Variants in RASSF2 observed in about 807,000 individuals in gnomAD.
RASSF2 encodes ras association domain-containing protein 2.
RASSF2 carries 34 observed loss-of-function variants against 46.3 expected under a neutral mutation model. The ratio of observed to expected loss-of-function variants is 0.73; its 90% CI spans 0.56 to 0.98. RASSF2 has a LOEUF of 0.98. Among genes scored for constraint, RASSF2 ranks in the 50% least tolerant of loss-of-function variants. The pLI, the probability that RASSF2 is intolerant of heterozygous loss-of-function variation, is 0.00. For synonymous variants in RASSF2, 158 were observed against 162.5 expected, an observed-to-expected ratio of 0.97 and a Z score of 0.21; for missense variants, 364 against 431.2, an observed-to-expected ratio of 0.84 and a Z score of 1.38.
chr20:4,796,640 G>A (rs942670238), intron 4 of RASSF2, among the ~76,000 whole-genome samples: 18 of 152,190 alleles, frequency 1.2e-4, no homozygotes, highest in African/African-American at 1.4e-4. Flanking sequence ...TATACTCAAA[G>A]GTTGCTGACT....
chr20:4,791,363 T>A (rs1925863006), intron 6 of RASSF2, among the ~76,000 whole-genome samples: 2 of 152,112 alleles, frequency 1.3e-5, no homozygotes, highest in African/African-American at 4.8e-5. Flanking sequence ...ACATTATGAG[T>A]GCTTTTAATA....
At position 4,812,104 on chromosome 20, in the gene RASSF2, C is replaced by T. The variant is rs910521860; in HGVS notation, c.-33+10225G>A. On this transcript the variant is annotated intron_variant, in intron 2 of 11. Transcript: ENST00000379400. The surrounding 1 kb of genome is among the most constrained non-coding windows in gnomAD (Gnocchi z 4.0). Reference sequence around the variant, plus strand: ...CACACGAGGAAGGAGACTTGAGCTGCGGGCTGGGGCCCTGCCAAGACCTAG... The same window carrying T: ...CACACGAGGAAGGAGACTTGAGCTGTGGGCTGGGGCCCTGCCAAGACCTAG... Among the ~76,000 whole-genome samples the T allele has an allele frequency of 6.6e-5, 10 of 152,162 alleles. No individual in the cohort carries two copies. The highest frequency in any genetic ancestry group is 2.1e-4 in the South Asian group (1 of 4,832).
chr20:4,807,255 C>A (rs1927411524), intron 2 of RASSF2, among the ~76,000 whole-genome samples: 1 of 144,776 alleles, frequency 6.9e-6, no homozygotes, highest in Admixed American at 6.9e-5. Context: ...ATAACTGAAC[C>A]AAAAATTTAA....
intron 2 of RASSF2, among the ~76,000 whole-genome samples, chr20:4,816,702 C>T (rs1245420681): frequency 6.6e-6 from 1 of 152,190 alleles, no homozygotes; most frequent in Non-Finnish European, 1.5e-5. Context: ...CGCAAACCTC[C>T]ACCACCCAGA....
chr20:4,821,254 C>T (rs924337643), intron 2 of RASSF2, among the ~76,000 whole-genome samples: 3 of 152,064 alleles, frequency 2.0e-5, no homozygotes, highest in Non-Finnish European at 2.9e-5. Flanking sequence ...CACAAACTGG[C>T]GAGAAGACCT....
At chr20:4,811,171 A>AC (rs1202880722) in intron 2 of RASSF2, among the ~76,000 whole-genome samples, 1 of 84,882 alleles carries the variant, frequency 1.2e-5, no homozygotes, top group African/African-American at 3.9e-5. Context: ...ACATTGTGAG[A>AC]CCCCATCTCT....
rs1284121957 is a variant in RASSF2 at position 4,782,807 on chromosome 20, C to T, written c.*1466G>A. 2.0e-5 allele frequency: 3 copies of T among 152,346 alleles called. No individual in the cohort carries two copies. The highest frequency in any genetic ancestry group is 4.1e-4 in the South Asian group (2 of 4,820). The allele number at this position is 152,346 out of a possible 1,614,324, so 9.4% of individuals were successfully genotyped here. ...GAGAAGAGATGGGCAGTGCCTCTAC[C>T]CCAGCTAGGCTCAAAGACGCCTGCT... On this transcript the variant is annotated 3_prime_UTR_variant, in exon 12 of 12. Transcript: ENST00000379400.
Position 4,796,041 on chromosome 20 carries a change from G to A in RASSF2, c.136-75C>T. 2.8e-6 allele frequency: 4 copies of A among 1,424,828 alleles called. No individual in the cohort carries two copies. The South Asian group carries it at 6.1e-5, about 22-fold the overall frequency. The allele number at this position is 1,424,828 out of a possible 1,614,324, so 88.3% of individuals were successfully genotyped here. ...GCCAAGACCATGCTGAGGGACAAAT[G>A]ACACATTCTTCACATGTCCTGGCTG... On this transcript the variant is annotated intron_variant, in intron 4 of 11. Transcript: ENST00000379400.
At position 4,786,253 on chromosome 20, in the gene RASSF2, C is replaced by G; in HGVS notation, c.889G>C (p.Glu297Gln). Residue 297 changes from glutamate (E) to glutamine (Q), a missense_variant, in exon 11 of 12, where the codon GAA becomes CAA. Glu to Gln is a conservative substitution (Grantham distance 29, BLOSUM62 2). Coordinates refer to ENST00000379400, the MANE Select transcript of RASSF2 (RefSeq NM_014737.3). ...IQKLQEEEDR[E>Q]VKKLMRKYTV... ...TACTTGCGCATCAGCTTCTTTACTT[C>G]CCGATCTTCTTCCTCCTGGAGCTTC... is the stretch of plus-strand genomic sequence containing the variant. 6.2e-7 allele frequency: 1 copy of G among 1,612,886 alleles called. No homozygotes were observed. Among genetic ancestry groups the G allele is most frequent in the Non-Finnish European group, 8.5e-7 (1 of 1,178,862 alleles).
chr20:4,805,704 T>C (rs1927289525), intron 2 of RASSF2, among the ~76,000 whole-genome samples: 2 of 152,190 alleles, frequency 1.3e-5, no homozygotes, highest in Middle Eastern at 3.4e-3. Flanking sequence ...CGGGGACCAG[T>C]TGAGAGGCCG....
chr20:4,797,872 C>T, intron 4 of RASSF2, 138 bp downstream of exon 4: 1 of 1,402,204 alleles, frequency 7.1e-7, no homozygotes, highest in African/African-American at 1.4e-5. Context: ...CCAAAGAACC[C>T]CAAGGACTCT....
In RASSF2 at chr20:4,795,012, T is replaced by C. The variant is rs1926216124; in HGVS notation, c.287+803A>G. On this transcript the variant is annotated intron_variant, in intron 5 of 11. Transcript: ENST00000379400. This position sits in a 1 kb window ranked among gnomAD's most constrained non-coding sequence, Gnocchi z 4.0. Reference sequence around the variant, plus strand: ...AAAAAAAGGTCACTGTGGTTTTGGCTGAGAGGCGAGCACACTCCACCCAGG... The same window carrying C: ...AAAAAAAGGTCACTGTGGTTTTGGCCGAGAGGCGAGCACACTCCACCCAGG... Among the ~76,000 whole-genome samples, 1 of 152,224 alleles carries C rather than the reference T, an allele frequency of 6.6e-6. No individual in the cohort carries two copies. Among genetic ancestry groups the C allele is most frequent in the Non-Finnish European group, 1.5e-5 (1 of 68,030 alleles).
At chr20:4,807,537 T>C (rs1278966951) in intron 2 of RASSF2, among the ~76,000 whole-genome samples, 1 of 152,190 alleles carries the variant, frequency 6.6e-6, no homozygotes, top group Non-Finnish European at 1.5e-5. Flanking sequence ...AAGTAATTAA[T>C]AAATCCATGA....
chr20:4,820,358 A>C (rs1418273174), intron 2 of RASSF2, among the ~76,000 whole-genome samples: 1 of 151,958 alleles, frequency 6.6e-6, no homozygotes, highest in Non-Finnish European at 1.5e-5. Context: ...ATAAAAATAA[A>C]AATTTAGCTG....
At chr20:4,816,542 T>C (rs1240280883) in intron 2 of RASSF2, among the ~76,000 whole-genome samples, 1 of 152,202 alleles carries the variant, frequency 6.6e-6, no homozygotes, top group Non-Finnish European at 1.5e-5. Flanking sequence ...ATAATGGTGA[T>C]GGGTTGTACA....
chr20:4,800,839 T>G, intron 3 of RASSF2, 133 bp downstream of exon 3: 1 of 749,618 alleles, frequency 1.3e-6, no homozygotes, highest in Non-Finnish European at 2.4e-6. Flanking sequence ...GCTGCTTGGC[T>G]CCTTCCCCCA....
intron 3 of RASSF2, 87 bp from the exon 4 acceptor site, chr20:4,798,172 T>C: frequency 1.9e-6 from 3 of 1,550,368 alleles, no homozygotes; most frequent in Non-Finnish European, 2.6e-6. Flanking sequence ...ACCTCTCACC[T>C]GGCCTTCAGT....
At chr20:4,800,200 AGCCT>A (rs1926743450) in intron 3 of RASSF2, among the ~76,000 whole-genome samples, 1 of 152,178 alleles carries the variant, frequency 6.6e-6, no homozygotes. Flanking sequence ...ATTAGCAAAA[AGCCT>A]GAGCTCAAGA....
chr20:4,781,682 C>T lies in RASSF2; in HGVS notation c.*2591G>A, dbSNP rs1055357702. On this transcript the variant is annotated 3_prime_UTR_variant, in exon 12 of 12. Transcript: ENST00000379400. The stretch of plus-strand genomic sequence containing the variant: ...ACTTGATCACCTTGTAACATAAGCC[C>T]CTCCCGGGGTGGGGGTGGTGGGGAG... The T allele has an allele frequency of 1.3e-5, 2 of 152,200 alleles. No homozygotes were observed. The highest frequency in any genetic ancestry group is 2.4e-5 in the African/African-American group (1 of 41,430). 9.4% of individuals were successfully genotyped at this position (152,200 alleles called of 1,614,324 possible).
Sources: gnomAD v4.1 joint callset for allele counts (sites outside exome capture counted in the v4.1 genomes callset) on GRCh38, gnomAD v4.1.1 for gene constraint, Gnocchi (gnomAD v3.1) non-coding constraint, MANE v1.5 for transcripts, NCBI Gene and HGNC (gene_info 2026-07-23, HGNC 2026-07-21) for gene names.